Variants in ZNF500 observed in about 807,000 individuals in gnomAD.
ZNF500 encodes the protein zinc finger protein with KRAB and SCAN domains 18.
A neutral mutation model predicts 30.1 loss-of-function variants in ZNF500; 31 were observed. The ratio of observed to expected loss-of-function variants is 1.03; its 90% CI spans 0.77 to 1.39. The LOEUF (loss-of-function observed/expected upper bound fraction) is 1.39, where lower values mean the gene tolerates loss of function less well. Among genes scored for constraint, ZNF500 ranks in the 40% most tolerant of loss-of-function variants. The pLI is 0.00. For synonymous variants in ZNF500, 392 were observed against 282.0 expected (o/e 1.39, Z -3.91); for missense variants, 817 against 657.8 (o/e 1.24, Z -2.65).
In ZNF500 at chr16:4,752,342, G is replaced by A. The variant is rs1032151258; in HGVS notation, c.*34C>T. ...TTTCCTGAATTCTGTGCCCAGGGATGAGAGTCCTGGAAAGGGAGTTTCAGG... is the reference window on the plus strand; with the variant it reads ...TTTCCTGAATTCTGTGCCCAGGGATAAGAGTCCTGGAAAGGGAGTTTCAGG... On this transcript the variant is annotated 3_prime_UTR_variant, in exon 6 of 6. Transcript: ENST00000219478. 1.4e-6 allele frequency: 2 copies of A among 1,452,234 alleles called. No individual in the cohort carries two copies. Among genetic ancestry groups the A allele is most frequent in the Non-Finnish European group, 1.8e-6 (2 of 1,107,154 alleles). The allele number at this position is 1,452,234 out of a possible 1,614,324, so 90.0% of individuals were successfully genotyped here.
chr16:4,754,140 T>C (rs73508120), intron 5 of ZNF500, among the ~76,000 whole-genome samples: 3,215 of 152,266 alleles, frequency 0.021, 117 homozygotes, highest in African/African-American at 0.074. Context: ...GCCGTCTTCA[T>C]AGCAGTCCCG....
chr16:4,765,541 G>T, intron 2 of ZNF500, 24 bp downstream of exon 2: 1 of 1,560,912 alleles, frequency 6.4e-7, no homozygotes, highest in Non-Finnish European at 8.7e-7. Flanking sequence ...TTCCTCACCT[G>T]AGGGTCAAAA....
chr16:4,754,167 T>C (rs541865781), intron 5 of ZNF500, among the ~76,000 whole-genome samples: 239 of 152,258 alleles, frequency 1.6e-3, no homozygotes, highest in Non-Finnish European at 3.0e-3. Context: ...GCTCTGCGCA[T>C]GGTAGGCACA....
At chr16:4,744,924 G>C, downstream of ZNF500, 1 of 1,613,896 alleles carries the variant, frequency 6.2e-7, no homozygotes. Context: ...GCCCTCCTGT[G>C]CACCACGCAG....
At chr16:4,766,288 C>G (rs1366316575) in intron 1 of ZNF500, among the ~76,000 whole-genome samples, 1 of 152,088 alleles carries the variant, frequency 6.6e-6, no homozygotes, top group African/African-American at 2.4e-5. Flanking sequence ...ACTGGGCAAA[C>G]AGAGATGATA....
intron 2 of ZNF500, chr16:4,763,003 G>A: frequency 1.0e-6 from 1 of 985,348 alleles, no homozygotes; most frequent in Non-Finnish European, 1.2e-6. Context: ...TCTATTCCTT[G>A]GTCCTCCTGA....
In ZNF500 at chr16:4,765,587, T is replaced by C. The variant is rs1387355284; in HGVS notation, c.392A>G (p.Lys131Arg). The C allele has an allele frequency of 6.2e-7, 1 of 1,603,356 alleles. No individual in the cohort carries two copies. The highest frequency in any genetic ancestry group is 2.2e-5 in the East Asian group (1 of 44,712). ...AVVLVEGLQR[K>R]PRKHRQRGSE... ...CACCCGCTGCCTGTGTTTCCTGGGC[T>C]TCCGCTGCAGCCCTTCCACAAGGAC... The change falls in exon 2 of 6, where the codon AAG becomes AGG. Residue 131 changes from lysine (K) to arginine (R), a missense_variant. Physicochemically the swap from Lys to Arg is conservative, Grantham distance 26 (BLOSUM62 2). Transcript: ENST00000219478.
chr16:4,763,405 GAAAAAAAAAAA>G (rs997700753), intron 2 of ZNF500, among the ~76,000 whole-genome samples: 1 of 97,510 alleles, frequency 1.0e-5, no homozygotes, highest in Non-Finnish European at 2.2e-5. Context: ...TCTCAGGGAA[GAAAAAAAAAAA>G]AAGAAAAAAA....
In ZNF500 at chr16:4,751,643, G is replaced by C. The variant is rs75277834; in HGVS notation, c.*733C>G. ...GGTCCCTCAAATTCATGTGCACCCAGACCTCAGAATGTGACCTTATTTGGA... is the reference window on the plus strand; with the variant it reads ...GGTCCCTCAAATTCATGTGCACCCACACCTCAGAATGTGACCTTATTTGGA... On this transcript the variant is annotated 3_prime_UTR_variant, in exon 6 of 6. Transcript: ENST00000219478. The C allele has an allele frequency of 6.5e-7, 1 of 1,535,148 alleles. No homozygotes were observed. The highest frequency in any genetic ancestry group is 8.7e-7 in the Non-Finnish European group (1 of 1,146,680).
chr16:4,754,093 C>G (rs2082112075), intron 5 of ZNF500, among the ~76,000 whole-genome samples: 1 of 152,198 alleles, frequency 6.6e-6, no homozygotes, highest in Admixed American at 6.5e-5. Context: ...CCTGGTAGCA[C>G]AAAGTGCACT....
At chr16:4,758,328 G>A (rs2082160489) in intron 5 of ZNF500, 1 of 152,080 alleles carries the variant, frequency 6.6e-6, no homozygotes, top group African/African-American at 2.4e-5. Context: ...GGGAAGCTGT[G>A]TCTGGGCTCC....
At chr16:4,756,329 C>A (rs983872250) in intron 5 of ZNF500, 2 of 151,982 alleles carry the variant, frequency 1.3e-5, no homozygotes, top group Non-Finnish European at 2.9e-5. Context: ...ACTAAAAATA[C>A]AAAAATTAGC....
At chr16:4,747,033 C>T, downstream of ZNF500, 2 of 1,524,058 alleles carry the variant, frequency 1.3e-6, no homozygotes, top group East Asian at 2.5e-5. Flanking sequence ...ACGGTAACCA[C>T]CCAGGGGCCT....
chr16:4,762,901 T>C lies in ZNF500; in HGVS notation c.415-145A>G, dbSNP rs1323868570. On this transcript the variant is annotated intron_variant, in intron 2 of 5. Transcript: ENST00000219478. ...CAGCCTCCCTCCCTCTGCCCAGCCG[T>C]GTGGCAGTGTTCCCTGCAGCCAGCT... The C allele has an allele frequency of 2.1e-6, 3 of 1,412,456 alleles. No homozygotes were observed. The African/African-American group carries it at 4.3e-5, about 20-fold the overall frequency. The allele number at this position is 1,412,456 out of a possible 1,614,324, so 87.5% of individuals were successfully genotyped here.
chr16:4,747,715 A>G, downstream of ZNF500: 1 of 1,433,596 alleles, frequency 7.0e-7, no homozygotes, highest in Non-Finnish European at 9.3e-7. Flanking sequence ...TTGTTCCTGC[A>G]TTTCCACTAG....
At chr16:4,747,935 T>G (rs1030812598), downstream of ZNF500, among the ~76,000 whole-genome samples, 1 of 152,168 alleles carries the variant, frequency 6.6e-6, no homozygotes, top group Admixed American at 6.6e-5. Flanking sequence ...TGCGGGACTC[T>G]GAGGCTCTTC....
chr16:4,759,580 CCTGGCCTGCAGATTTCAGA>C (rs2141842333), intron 5 of ZNF500, among the ~76,000 whole-genome samples: 1 of 152,320 alleles, frequency 6.6e-6, no homozygotes, highest in East Asian at 1.9e-4. Flanking sequence ...AGTCTGCTGG[CCTGGCCTGCAGATTTCAGA>C]CTTGTCAACT....
Position 4,751,588 on chromosome 16 carries a change from G to A in ZNF500, c.*788C>T. On this transcript the variant is annotated 3_prime_UTR_variant, in exon 6 of 6. Coordinates refer to ENST00000219478, the MANE Select transcript of ZNF500 (RefSeq NM_021646.4). ...GAGACCACGTCCTGGGAAGGCTGGGGTACAGCAGGGCTCCCTGCAGCAGAC... is the reference window on the plus strand; with the variant it reads ...GAGACCACGTCCTGGGAAGGCTGGGATACAGCAGGGCTCCCTGCAGCAGAC... The A allele has an allele frequency of 6.5e-7, 1 of 1,534,830 alleles. No homozygotes were observed. The highest frequency in any genetic ancestry group is 1.4e-5 in the African/African-American group (1 of 73,138).
At chr16:4,766,470 A>G (rs775467041) in intron 1 of ZNF500, among the ~76,000 whole-genome samples, 11 of 152,090 alleles carry the variant, frequency 7.2e-5, no homozygotes, top group Non-Finnish European at 1.6e-4. Flanking sequence ...AAATACAAAA[A>G]TTAGCCCGAC....
Sources: allele counts gnomAD v4.1 joint callset (sites outside exome capture counted in the v4.1 genomes callset), GRCh38; gene constraint gnomAD v4.1.1; transcripts MANE v1.5; gene names NCBI Gene and HGNC (gene_info 2026-07-23, HGNC 2026-07-21).